Variants in BMPER observed in about 807,000 individuals in gnomAD.
BMPER encodes BMP-binding endothelial regulator protein.
BMPER carries 45 observed loss-of-function variants against 87.3 expected under a neutral mutation model. The observed-to-expected ratio is 0.52, with a 90% CI of 0.41 to 0.66. The LOEUF is 0.66. BMPER is among the 30% of genes least tolerant of loss of function. The pLI, the probability that BMPER is intolerant of heterozygous loss-of-function variation, is 0.00. For synonymous variants in BMPER, 326 were observed against 316.2 expected (o/e 1.03, Z -0.33); for missense variants, 784 against 867.5 (o/e 0.90, Z 1.21).
At position 33,989,457 on chromosome 7, in the gene BMPER, A is replaced by G. The variant is rs1348598140; in HGVS notation, c.576+14673A>G. ...TCATGTCCTTCGCCCACTTTTTGAT[A>G]GGGTTGTTTGTTTTTTCTTGTAAAT... On this transcript the variant is annotated intron_variant, in intron 6 of 14. Coordinates refer to ENST00000649409, the MANE Select transcript of BMPER (RefSeq NM_001365308.1). Among the ~76,000 whole-genome samples the G allele has an allele frequency of 3.5e-3, 531 of 151,758 alleles. 4 individuals carry two copies. The highest frequency in any genetic ancestry group is 6.4e-3 in the Non-Finnish European group (436 of 67,870).
chr7:33,914,315 A>T (rs1016797396), intron 2 of BMPER, among the ~76,000 whole-genome samples: 2 of 152,186 alleles, frequency 1.3e-5, no homozygotes, highest in African/African-American at 4.8e-5. Flanking sequence ...CACCTTTAAA[A>T]AGTGCACCAA....
chr7:34,034,865 C>G (rs1460716775), intron 6 of BMPER, among the ~76,000 whole-genome samples: 1 of 152,154 alleles, frequency 6.6e-6, no homozygotes, highest in Admixed American at 6.5e-5. Context: ...TGTTGTTCAT[C>G]TCTTCCTCCC....
intron 2 of BMPER, 101 bp downstream of exon 2, chr7:33,907,004 C>T: frequency 1.7e-6 from 2 of 1,178,066 alleles, no homozygotes; most frequent in South Asian, 1.3e-5. Flanking sequence ...TTGTCTTTAT[C>T]ATTACAAAAT....
chr7:33,987,194 C>G (rs951202569), intron 6 of BMPER, among the ~76,000 whole-genome samples: 1 of 152,120 alleles, frequency 6.6e-6, no homozygotes, highest in Admixed American at 6.6e-5. Context: ...ATTCTGGCAC[C>G]TTTTAAATGT....
At chr7:34,045,825 A>G (rs1274340163) in intron 6 of BMPER, among the ~76,000 whole-genome samples, 1 of 152,144 alleles carries the variant, frequency 6.6e-6, no homozygotes, top group African/African-American at 2.4e-5. Flanking sequence ...ACCTATAGAA[A>G]GATGGGTGAC....
At chr7:34,112,345 A>T (rs537382872) in intron 13 of BMPER, among the ~76,000 whole-genome samples, 18 of 151,628 alleles carry the variant, frequency 1.2e-4, no homozygotes, top group Middle Eastern at 3.4e-3. Context: ...AAATACAAAA[A>T]ATTAGCCAGG....
intron 13 of BMPER, among the ~76,000 whole-genome samples, chr7:34,091,989 T>C (rs1229034354): frequency 6.6e-6 from 1 of 152,180 alleles, no homozygotes; most frequent in African/African-American, 2.4e-5. Context: ...CCTTTTGTAT[T>C]TCACCCAGCA....
intron 11 of BMPER, 41 bp from the exon 12 acceptor site, chr7:34,078,815 GC>G (rs1418603260): frequency 6.3e-7 from 1 of 1,599,300 alleles, no homozygotes; most frequent in Admixed American, 1.7e-5. Flanking sequence ...TGAATCCTTG[GC>G]TTGGTTTGTG....
At chr7:33,987,390 C>T (rs1442334264) in intron 6 of BMPER, among the ~76,000 whole-genome samples, 1 of 152,180 alleles carries the variant, frequency 6.6e-6, no homozygotes, top group Non-Finnish European at 1.5e-5. Flanking sequence ...ACCACAAACA[C>T]ACAAGGAGAA....
At chr7:34,007,698 G>C (rs1786770868) in intron 6 of BMPER, among the ~76,000 whole-genome samples, 1 of 151,686 alleles carries the variant, frequency 6.6e-6, no homozygotes, top group Non-Finnish European at 1.5e-5. Flanking sequence ...ATAGGTATAG[G>C]GGTAATTTAT....
chr7:34,104,912 C>G (rs528735578), intron 13 of BMPER, among the ~76,000 whole-genome samples: 1 of 152,096 alleles, frequency 6.6e-6, no homozygotes, highest in African/African-American at 2.4e-5. Flanking sequence ...AGAAATGACT[C>G]GTCTATTTTC....
intron 3 of BMPER, among the ~76,000 whole-genome samples, chr7:33,952,306 C>T (rs1475262888): frequency 6.6e-6 from 1 of 152,170 alleles, no homozygotes; most frequent in East Asian, 1.9e-4. Flanking sequence ...CTGCTCAGCA[C>T]TTTAAGATGA....
intron 2 of BMPER, among the ~76,000 whole-genome samples, chr7:33,920,347 C>T (rs1321868186): frequency 6.6e-6 from 1 of 151,068 alleles, no homozygotes; most frequent in Non-Finnish European, 1.5e-5. Flanking sequence ...TGCAGATTTC[C>T]TGTGTCCTGG....
chr7:33,970,568 T>G (rs1641517465), intron 5 of BMPER, 149 bp downstream of exon 5: 1 of 837,578 alleles, frequency 1.2e-6, no homozygotes, highest in Admixed American at 2.0e-5. Flanking sequence ...CATAGAAATA[T>G]CCGCTTGGCT....
chr7:33,999,022 T>C (rs1375896210), intron 6 of BMPER, among the ~76,000 whole-genome samples: 3 of 152,232 alleles, frequency 2.0e-5, no homozygotes, highest in Admixed American at 2.0e-4. Flanking sequence ...GCCCGCCTGC[T>C]CTGAGCCCCT....
At chr7:34,085,568 A>G (rs530302502) in intron 12 of BMPER, among the ~76,000 whole-genome samples, 188 bp from the exon 13 acceptor site, 2 of 152,342 alleles carry the variant, frequency 1.3e-5, no homozygotes, top group South Asian at 4.1e-4. Context: ...CAACCAGCAA[A>G]TGACTCAGAT....
chr7:33,934,517 C>CAAAAA (rs11340819), intron 2 of BMPER, among the ~76,000 whole-genome samples: 1 of 59,290 alleles, frequency 1.7e-5, no homozygotes, highest in African/African-American at 5.2e-5. Context: ...TGTGTGTGTA[C>CAAAAA]AAAAAAAAAA....
chr7:33,996,667 C>T (rs865785403), intron 6 of BMPER, among the ~76,000 whole-genome samples: 1 of 152,016 alleles, frequency 6.6e-6, no homozygotes, highest in South Asian at 2.1e-4. Context: ...TGGTGTGAGC[C>T]ACATATGCAA....
chr7:34,124,763 A>G (rs1790357423), intron 13 of BMPER, among the ~76,000 whole-genome samples: 2 of 152,160 alleles, frequency 1.3e-5, no homozygotes. Flanking sequence ...CTGATATTTC[A>G]TTGTTAAGAA....
Sources: gnomAD v4.1 joint callset for allele counts (sites outside exome capture counted in the v4.1 genomes callset) on GRCh38, gnomAD v4.1.1 for gene constraint, MANE v1.5 for transcripts, NCBI Gene and HGNC (gene_info 2026-07-23, HGNC 2026-07-21) for gene names.